TMTC1: variants seen among roughly 807,000 people sequenced by gnomAD.
The protein encoded by TMTC1 is protein O-mannosyl-transferase TMTC1.
TMTC1 carries 73 observed loss-of-function variants against 104.8 expected under a neutral mutation model. That is an observed-to-expected ratio of 0.70 (90% CI 0.58 to 0.85). The LOEUF (loss-of-function observed/expected upper bound fraction) is 0.85, where lower values mean the gene tolerates loss of function less well. TMTC1 is among the 40% of genes least tolerant of loss of function. The pLI is 0.00. For missense variants in TMTC1, 1,035 were observed against 1,096.1 expected (o/e 0.94, Z 0.79); for synonymous variants, 434 against 428.7 (o/e 1.01, Z -0.15).
At chr12:29,679,775 G>T (rs2136709535) in intron 5 of TMTC1, among the ~76,000 whole-genome samples, 1 of 152,132 alleles carries the variant, frequency 6.6e-6, no homozygotes, top group Non-Finnish European at 1.5e-5. Context: ...GATGAAACAG[G>T]ATAGAGAGGA....
chr12:29,643,331 AT>A (rs1424717452), intron 5 of TMTC1, among the ~76,000 whole-genome samples: 12 of 146,742 alleles, frequency 8.2e-5, no homozygotes, highest in Non-Finnish European at 1.2e-4. Context: ...TTCGAAAAAG[AT>A]ACTTGCACAT....
In TMTC1 at chr12:29,755,790, AG is replaced by A; in HGVS notation, c.649del (p.Leu217TrpfsTer2). ...CACCGTGATGCCTGTCTCTTTCACC[AG>A]CATCGCACAGGTCCCCAGAAACAAA... ...LSLFLGTCAM[L>X]VKETGITVFG... On this transcript the variant is annotated frameshift_variant, in exon 4 of 18. Coordinates refer to ENST00000539277, the MANE Select transcript of TMTC1 (RefSeq NM_001193451.2). LOFTEE classifies it high-confidence loss of function. The A allele has an allele frequency of 6.2e-7, 1 of 1,614,208 alleles. No individual in the cohort carries two copies. Among genetic ancestry groups the A allele is most frequent in the Non-Finnish European group, 8.5e-7 (1 of 1,180,032 alleles).
chr12:29,762,921 T>A (rs148846956), intron 2 of TMTC1, among the ~76,000 whole-genome samples: 100 of 152,346 alleles, frequency 6.6e-4, no homozygotes, highest in Non-Finnish European at 1.1e-3. Flanking sequence ...TAGCTCAGCA[T>A]CACCTGCAAG....
chr12:29,619,439 T>C (rs1397270133), intron 6 of TMTC1, among the ~76,000 whole-genome samples: 2 of 152,140 alleles, frequency 1.3e-5, no homozygotes, highest in East Asian at 3.8e-4. Flanking sequence ...ATATTAATAA[T>C]TGACAAAAAG....
intron 6 of TMTC1, among the ~76,000 whole-genome samples, chr12:29,612,645 A>C (rs2432958): frequency 0.45 from 67,944 of 151,812 alleles, 15,709 homozygotes; most frequent in African/African-American, 0.55. Flanking sequence ...GAACTCCTGA[A>C]CTCAAGTGAT....
intron 7 of TMTC1, among the ~76,000 whole-genome samples, chr12:29,601,799 T>A (rs1257475747): frequency 6.6e-6 from 1 of 151,880 alleles, no homozygotes; most frequent in Non-Finnish European, 1.5e-5. Flanking sequence ...TGACCATATA[T>A]AATGCAAAAC....
chr12:29,587,344 A>AT (rs1335214233), intron 7 of TMTC1, among the ~76,000 whole-genome samples: 6 of 147,620 alleles, frequency 4.1e-5, no homozygotes, highest in Non-Finnish European at 6.0e-5. Flanking sequence ...TTATTTTTTT[A>AT]TTTTTTTTAG....
chr12:29,636,366 T>C (rs535215273), intron 5 of TMTC1, among the ~76,000 whole-genome samples: 6 of 152,374 alleles, frequency 3.9e-5, no homozygotes, highest in South Asian at 2.1e-4. Flanking sequence ...GGAACTGCTA[T>C]GCAGAATGTA....
At chr12:29,716,713 T>G (rs75727238) in intron 5 of TMTC1, among the ~76,000 whole-genome samples, 3,608 of 152,222 alleles carry the variant, frequency 0.024, 64 homozygotes, top group Non-Finnish European at 0.035. Context: ...GGAAAAAGAA[T>G]AATATAAAAT....
intron 5 of TMTC1, among the ~76,000 whole-genome samples, chr12:29,695,817 AT>A (rs1565775658): frequency 0.016 from 1,649 of 105,722 alleles, 56 homozygotes; most frequent in African/African-American, 0.068. Context: ...ATATATATAT[AT>A]ATATATATAT....
chr12:29,561,813 T>C (rs1448891512), intron 9 of TMTC1, among the ~76,000 whole-genome samples: 3 of 152,204 alleles, frequency 2.0e-5, no homozygotes, highest in African/African-American at 7.2e-5. Context: ...CACACCCTGA[T>C]TTATTTTCAG....
intron 8 of TMTC1, among the ~76,000 whole-genome samples, chr12:29,574,227 CCTT>C (rs111526900): frequency 0.017 from 2,629 of 152,104 alleles, 60 homozygotes; most frequent in East Asian, 0.053. Context: ...TTATAGATTT[CCTT>C]CTTCTTCTTT....
At chr12:29,778,077 C>T (rs60952280) in intron 1 of TMTC1, among the ~76,000 whole-genome samples, 14,413 of 152,218 alleles carry the variant, frequency 0.095, 846 homozygotes, top group East Asian at 0.19. Flanking sequence ...CCTACAGCTG[C>T]ACATATTAAG....
intron 3 of TMTC1, among the ~76,000 whole-genome samples, chr12:29,757,668 C>A (rs1943246610): frequency 1.3e-5 from 2 of 152,126 alleles, no homozygotes; most frequent in Admixed American, 1.3e-4. Flanking sequence ...TTTCACGCTG[C>A]TGATAAAGAC....
At chr12:29,644,147 GTGTATATATATA>G (rs1413504075) in intron 5 of TMTC1, among the ~76,000 whole-genome samples, 9 of 61,546 alleles carry the variant, frequency 1.5e-4, no homozygotes, top group Non-Finnish European at 2.8e-4. Context: ...GTGTGTGTGT[GTGTATATATATA>G]TATAATGAAA....
intron 1 of TMTC1, among the ~76,000 whole-genome samples, chr12:29,770,174 G>A (rs1289329042): frequency 6.6e-6 from 1 of 152,020 alleles, no homozygotes; most frequent in East Asian, 1.9e-4. Context: ...TTTTTGCAAA[G>A]TATTTATTAT....
chr12:29,618,370 T>C (rs1186079106), intron 6 of TMTC1, among the ~76,000 whole-genome samples: 1 of 152,144 alleles, frequency 6.6e-6, no homozygotes, highest in African/African-American at 2.4e-5. Flanking sequence ...AGGTCCTACA[T>C]ATATTATTTC....
intron 5 of TMTC1, among the ~76,000 whole-genome samples, chr12:29,682,986 C>G (rs893570987): frequency 7.9e-5 from 12 of 152,170 alleles, no homozygotes; most frequent in African/African-American, 2.7e-4. Context: ...TAGAGAATCT[C>G]TCTCTACTAT....
In TMTC1 at chr12:29,554,694, C is replaced by T. The variant is rs143258950; in HGVS notation, c.1676+2163G>A. On this transcript the variant is annotated intron_variant, in intron 10 of 17. Coordinates refer to ENST00000539277, the MANE Select transcript of TMTC1 (RefSeq NM_001193451.2). ...GACCGGCCTGGGTGACATGGCAAAA[C>T]CCCACTTCTACAAAAAATACAAAAA... is the stretch of plus-strand genomic sequence containing the variant. 4.7e-4 allele frequency among the ~76,000 whole-genome samples: 72 copies of T among 152,144 alleles called. No individual in the cohort carries two copies. The East Asian group carries it at 0.013, about 27-fold the overall frequency.
Sources: gnomAD v4.1 joint callset for allele counts (sites outside exome capture counted in the v4.1 genomes callset) on GRCh38, gnomAD v4.1.1 for gene constraint, MANE v1.5 for transcripts, NCBI Gene and HGNC (gene_info 2026-07-23, HGNC 2026-07-21) for gene names.